Variants in NBPF14 observed in about 807,000 individuals in gnomAD.
The protein encoded by NBPF14 is NBPF member 14.
In NBPF14, 104 loss-of-function variants were observed where a neutral mutation model predicts 91.2. The observed-to-expected ratio is 1.14, with a 90% CI of 0.97 to 1.34. The LOEUF (loss-of-function observed/expected upper bound fraction) is 1.34. Among genes scored for constraint, NBPF14 ranks in the 40% most tolerant of loss-of-function variants. The pLI, the probability that NBPF14 is intolerant of heterozygous loss-of-function variation, is 0.00. For missense variants in NBPF14, 908 were observed against 783.0 expected (o/e 1.16, Z -1.91); for synonymous variants, 294 against 303.8 (o/e 0.97, Z 0.34).
At position 148,572,298 on chromosome 1, in the gene NBPF14, A is replaced by G. The variant is rs1372701168; in HGVS notation, c.2758+145T>C. On this transcript the variant is annotated intron_variant, in intron 21 of 70. Coordinates refer to ENST00000619423, the Ensembl canonical transcript of NBPF14. ...TGTCTAGGCTTCCAACTGAGACTACAGTTTCATTACAACCTATATGCGCCC... is the reference window on the plus strand; with the variant it reads ...TGTCTAGGCTTCCAACTGAGACTACGGTTTCATTACAACCTATATGCGCCC... 5.4e-4 allele frequency: 108 copies of G among 200,472 alleles called. 13 individuals are homozygous for G. Among genetic ancestry groups the G allele is most frequent in the Non-Finnish European group, 8.1e-4 (94 of 115,444 alleles). The allele number at this position is 200,472 out of a possible 1,614,324, so 12.4% of individuals were successfully genotyped here.
At chr1:148,557,756 G>A (rs1167249976) in intron 39 of NBPF14, among the ~76,000 whole-genome samples, 2 of 124,852 alleles carry the variant, frequency 1.6e-5, no homozygotes, top group South Asian at 2.8e-4. Context: ...CTGGTAGATC[G>A]TTATCCCAAA....
intron 6 of NBPF14, among the ~76,000 whole-genome samples, chr1:148,590,257 C>T (rs1480040369): frequency 7.2e-6 from 1 of 139,358 alleles, no homozygotes; most frequent in East Asian, 2.0e-4. Flanking sequence ...TGGGGTTTCA[C>T]CGTGTTAGCC....
At chr1:148,580,565 A>C (rs1660754553) in intron 12 of NBPF14, among the ~76,000 whole-genome samples, 2 of 35,754 alleles carry the variant, frequency 5.6e-5, no homozygotes, top group East Asian at 5.7e-4. Flanking sequence ...CTAGCAAGGA[A>C]GGCCAACATT....
At chr1:148,572,737 A>G in intron 20 of NBPF14, 122 bp from the exon 21 acceptor site, 1 of 587,002 alleles carries the variant, frequency 1.7e-6, no homozygotes, top group South Asian at 1.7e-5. Context: ...TCCATTAATG[A>G]GGTAACAAAT....
chr1:148,561,913 C>A (rs1657876152), intron 34 of NBPF14, among the ~76,000 whole-genome samples: 1 of 126,624 alleles, frequency 7.9e-6, no homozygotes, highest in East Asian at 2.3e-4. Flanking sequence ...TGAGTTAGTG[C>A]CCTCAGGACA....
At position 148,534,562 on chromosome 1, in the gene NBPF14, C is replaced by T. The variant is rs1654641338; in HGVS notation, c.8614+122G>A. 26 of 752,024 alleles carry T rather than the reference C, an allele frequency of 3.5e-5. No homozygotes were observed. In the East Asian group the frequency reaches 6.2e-4, roughly 18 times the overall value. The allele number at this position is 752,024 out of a possible 1,614,324, so 46.6% of individuals were successfully genotyped here. A position where few individuals can be genotyped will look rare whatever the true frequency, so the allele number is the denominator to read the frequency against. ...ACAGTTTCATTACAACCTATATGCG[C>T]CCATAGGTCCTGCCTGCGGCAATGA... On this transcript the variant is annotated intron_variant, in intron 69 of 70. Transcript: ENST00000619423.
At chr1:148,533,343 GA>G in intron 70 of NBPF14, 95 bp from the exon 71 acceptor site, 2 of 491,370 alleles carry the variant, frequency 4.1e-6, no homozygotes, top group South Asian at 2.3e-5. Flanking sequence ...GAAGTGGTTA[GA>G]AAAGAAAAAG....
chr1:148,533,919 T>C (rs1320243111), exon 70 of NBPF14: 2 of 749,386 alleles, frequency 2.7e-6, no homozygotes, highest in South Asian at 2.7e-5. Flanking sequence ...CTTCTTTCCT[T>C]CTTTGATCTT....
chr1:148,578,956 A>C lies in NBPF14; in HGVS notation c.1801+118T>G, dbSNP rs1180030597. On this transcript the variant is annotated intron_variant, in intron 13 of 70. Coordinates refer to ENST00000619423, the Ensembl canonical transcript of NBPF14. ...GTGACTGAAATCTACATTGATATAT[A>C]GGTTCAGCCCACGGTGATGGCAAAT... 82 of 677,754 alleles carry C rather than the reference A, an allele frequency of 1.2e-4. 4 individuals are homozygous for C. The highest frequency in any genetic ancestry group is 1.9e-4 in the Non-Finnish European group (72 of 373,764). The allele number at this position is 677,754 out of a possible 1,614,324, so 42.0% of individuals were successfully genotyped here. A position where few individuals can be genotyped will look rare whatever the true frequency, so the allele number is the denominator to read the frequency against.
At position 148,587,207 on chromosome 1, in the gene NBPF14, G is replaced by C. The variant is rs1163439900; in HGVS notation, c.1091+94C>G. On this transcript the variant is annotated intron_variant, in intron 8 of 70. Transcript: ENST00000619423. ...CCATGGCAATTCCTGCCCTTCCCCT[G>C]GCCCAGCTGAGCTCTTACGTCTCCC... The C allele has an allele frequency of 4.6e-6, 5 of 1,092,690 alleles. No homozygotes were observed. In the East Asian group the frequency reaches 1.2e-4, roughly 26 times the overall value. 67.7% of individuals were successfully genotyped at this position (1,092,690 alleles called of 1,614,324 possible).
At chr1:148,535,086 G>A (rs1654837170) in intron 68 of NBPF14, among the ~76,000 whole-genome samples, 1 of 146,628 alleles carries the variant, frequency 6.8e-6, no homozygotes, top group African/African-American at 2.6e-5. Context: ...AGTGAGCTCA[G>A]CGAATTGGCC....
intron 69 of NBPF14, 41 bp downstream of exon 69, chr1:148,534,643 G>A: frequency 6.9e-6 from 6 of 870,766 alleles, no homozygotes; most frequent in Non-Finnish European, 1.2e-5. Flanking sequence ...CTATCTGGAA[G>A]ACCAGGTGGA....
intron 8 of NBPF14, 96 bp downstream of exon 8, chr1:148,587,205 C>T: frequency 2.8e-6 from 3 of 1,081,646 alleles, no homozygotes; most frequent in African/African-American, 1.5e-5. Context: ...TGCCCTTCCC[C>T]TGGCCCAGCT....
At chr1:148,578,143 C>G (rs1313390486) in intron 13 of NBPF14, 109 bp from the exon 14 acceptor site, 13 of 739,730 alleles carry the variant, frequency 1.8e-5, no homozygotes, top group East Asian at 2.5e-5. Flanking sequence ...AGTGTGAGAA[C>G]AGGAGACTTT....
rs1310768932 is a variant in NBPF14 at position 148,593,613 on chromosome 1, T to G, written c.263A>C (p.Gln88Pro). Residue 88 changes from glutamine (Q) to proline (P), a missense_variant, in exon 3 of 71, where the codon CAA becomes CCA. By Grantham distance (76) the Gln-to-Pro change is moderately conservative. This residue lies in a region of NBPF14 where 9 missense variants were observed against 44.7 expected (regional missense o/e 0.20). Coordinates refer to ENST00000619423, the Ensembl canonical transcript of NBPF14. Reference sequence around the variant, plus strand: ...GTCCCCTCACCTGAGCTCCTCAGCTTGCTTCAGCTGCTCTGCAAGCTTCTC... The same window carrying G: ...GTCCCCTCACCTGAGCTCCTCAGCTGGCTTCAGCTGCTCTGCAAGCTTCTC... 7 of 1,556,140 alleles carry G rather than the reference T, an allele frequency of 4.5e-6. No individual in the cohort carries two copies. The South Asian group carries it at 6.7e-5, about 15-fold the overall frequency.
intron 12 of NBPF14, among the ~76,000 whole-genome samples, chr1:148,580,813 A>G (rs1660788719): frequency 9.8e-6 from 1 of 102,550 alleles, no homozygotes; most frequent in Non-Finnish European, 2.0e-5. Flanking sequence ...TTTTTTTTCC[A>G]TATGTATAGT....
At position 148,559,777 on chromosome 1, in the gene NBPF14, A is replaced by T; in HGVS notation, c.4729+16T>A. 1.4e-6 allele frequency: 2 copies of T among 1,419,594 alleles called. No homozygotes were observed. Among genetic ancestry groups the T allele is most frequent in the South Asian group, 2.5e-5 (2 of 80,046 alleles). 87.9% of individuals were successfully genotyped at this position (1,419,594 alleles called of 1,614,324 possible). A position where few individuals can be genotyped will look rare whatever the true frequency, so the allele number is the denominator to read the frequency against. Reference sequence around the variant, plus strand: ...GACTCAGTGGATCCTTATCACCTTCATAGAAAGGTACTCACCATCCATGTC... The same window carrying T: ...GACTCAGTGGATCCTTATCACCTTCTTAGAAAGGTACTCACCATCCATGTC... On this transcript the variant is annotated intron_variant, in intron 37 of 70. Coordinates refer to ENST00000619423, the Ensembl canonical transcript of NBPF14.
intron 69 of NBPF14, among the ~76,000 whole-genome samples, 154 bp downstream of exon 69, chr1:148,534,530 T>A (rs1385213673): frequency 6.6e-6 from 1 of 151,748 alleles, no homozygotes; most frequent in African/African-American, 2.4e-5. Flanking sequence ...GGCTTCCAGC[T>A]GAGACTACAG....
intron 12 of NBPF14, among the ~76,000 whole-genome samples, chr1:148,581,305 C>T (rs1172317264): frequency 6.8e-6 from 1 of 147,480 alleles, no homozygotes; most frequent in East Asian, 2.0e-4. Flanking sequence ...GTGAATAGTG[C>T]CACAATAAAC....
Sources: allele counts gnomAD v4.1 joint callset (sites outside exome capture counted in the v4.1 genomes callset), GRCh38; gene constraint gnomAD v4.1.1; regional missense constraint gnomAD v4.1.1; transcripts MANE v1.5; gene names NCBI Gene and HGNC (gene_info 2026-07-23, HGNC 2026-07-21).